The following TRAPPC13 variants were observed in gnomAD, a reference collection of about 807,000 sequenced individuals.
The protein encoded by TRAPPC13 is trafficking protein particle complex subunit 13, also known as REV7-interacting novel NHEJ regulator 1.
In TRAPPC13, 39 loss-of-function variants were observed where a neutral mutation model predicts 54.0. That is an observed-to-expected ratio of 0.72 (90% CI 0.56 to 0.94). The LOEUF (loss-of-function observed/expected upper bound fraction) is 0.94, where lower values mean the gene tolerates loss of function less well. TRAPPC13 is among the 40% of genes least tolerant of loss of function. The pLI, the probability that TRAPPC13 is intolerant of heterozygous loss-of-function variation, is 0.00. For missense variants in TRAPPC13, 386 were observed against 488.1 expected, an observed-to-expected ratio of 0.79 and a Z score of 1.97; for synonymous variants, 148 against 167.7, an observed-to-expected ratio of 0.88 and a Z score of 0.91.
At chr5:65,637,559 A>G (rs1755796263) in intron 3 of TRAPPC13, 137 bp from the exon 4 acceptor site, 3 of 452,116 alleles carry the variant, frequency 6.6e-6, no homozygotes, top group African/African-American at 4.3e-5. Context: ...TGAACATGGG[A>G]GGCGGAGTTT....
At chr5:65,660,507 A>G (rs1423634097) in intron 9 of TRAPPC13, among the ~76,000 whole-genome samples, 192 bp from the exon 10 acceptor site, 9 of 151,938 alleles carry the variant, frequency 5.9e-5, no homozygotes, top group Admixed American at 5.9e-4. Context: ...ATATCAACTG[A>G]AAAAAATGAA....
chr5:65,647,312 G>T (rs1561770989), intron 5 of TRAPPC13, 130 bp downstream of exon 5: 3 of 714,398 alleles, frequency 4.2e-6, no homozygotes, highest in Non-Finnish European at 6.4e-6. Context: ...TTCTATGTTG[G>T]CATGTTTACC....
intron 1 of TRAPPC13, among the ~76,000 whole-genome samples, chr5:65,627,671 T>G (rs1351892558): frequency 6.6e-6 from 1 of 152,018 alleles, no homozygotes; most frequent in East Asian, 1.9e-4. Flanking sequence ...CTGATTGACT[T>G]TAGACAACAA....
intron 1 of TRAPPC13, among the ~76,000 whole-genome samples, chr5:65,627,009 G>A (rs903043538): frequency 5.3e-5 from 8 of 151,404 alleles, no homozygotes; most frequent in Non-Finnish European, 1.0e-4. Context: ...GTGTGGTGGT[G>A]TAATCCCAGC....
At chr5:65,630,087 C>T (rs745945409) in intron 1 of TRAPPC13, 2 of 1,535,916 alleles carry the variant, frequency 1.3e-6, no homozygotes, top group African/African-American at 2.7e-5. Flanking sequence ...CTTTATAGAG[C>T]AAGATGGACA....
chr5:65,642,785 C>T (rs1018049543), intron 4 of TRAPPC13, among the ~76,000 whole-genome samples: 4 of 152,078 alleles, frequency 2.6e-5, no homozygotes, highest in Admixed American at 2.0e-4. Context: ...CTTAGCCTCG[C>T]GAGTTGCTGT....
At chr5:65,659,628 A>G (rs1756775225) in intron 9 of TRAPPC13, among the ~76,000 whole-genome samples, 1 of 152,220 alleles carries the variant, frequency 6.6e-6, no homozygotes, top group Non-Finnish European at 1.5e-5. Context: ...GGAAATACAT[A>G]CACCTTTCCA....
chr5:65,647,001 T>C (rs530926884), intron 4 of TRAPPC13, 54 bp from the exon 5 acceptor site: 55 of 1,489,468 alleles, frequency 3.7e-5, no homozygotes, highest in Non-Finnish European at 4.9e-5. Flanking sequence ...ATGCACACCC[T>C]GTAGGTAACC....
Position 65,655,935 on chromosome 5 carries a change from C to G in TRAPPC13, c.564+282C>G, listed in dbSNP as rs139253107. ...TTTTTTTTTTAAAGAGGTATGTTACCTTGTGTCAAATGGCCTTGTGATTTT... is the reference window on the plus strand; with the variant it reads ...TTTTTTTTTTAAAGAGGTATGTTACGTTGTGTCAAATGGCCTTGTGATTTT... On this transcript the variant is annotated intron_variant, in intron 8 of 12. Coordinates refer to ENST00000399438, the MANE Select transcript of TRAPPC13 (RefSeq NM_024941.4). 3.1e-3 allele frequency among the ~76,000 whole-genome samples: 469 copies of G among 151,816 alleles called. 2 individuals carry two copies. Among genetic ancestry groups the G allele is most frequent in the Middle Eastern group, 6.8e-3 (2 of 294 alleles).
In TRAPPC13 at chr5:65,664,506, C is replaced by A; in HGVS notation, c.1149C>A (p.Ser383Arg). The A allele has an allele frequency of 6.4e-7, 1 of 1,556,754 alleles. No individual in the cohort carries two copies. The highest frequency in any genetic ancestry group is 8.8e-7 in the Non-Finnish European group (1 of 1,136,478). The change falls in exon 13 of 13, where the codon AGC becomes AGA. Residue 383 changes from serine to arginine, a missense_variant and splice_region_variant. Physicochemically the swap from Ser to Arg is moderately radical, Grantham distance 110 (BLOSUM62 -1). Coordinates refer to ENST00000399438, the MANE Select transcript of TRAPPC13 (RefSeq NM_024941.4). ...TLLSSVQGLQSISGLRLTDTF... is the reference protein window; with the variant it reads ...TLLSSVQGLQRISGLRLTDTF... ...CTCATCTCTCTCTCTCTCAATAGAG[C>A]ATCTCTGGCTTAAGACTAACAGACA...
intron 11 of TRAPPC13, chr5:65,663,496 C>T (rs915611854): frequency 3.3e-5 from 5 of 151,820 alleles, no homozygotes; most frequent in African/African-American, 9.7e-5. Flanking sequence ...ATTATAAAGT[C>T]AATATGTCTA....
intron 1 of TRAPPC13, among the ~76,000 whole-genome samples, chr5:65,632,900 C>T (rs1755600695): frequency 6.6e-6 from 1 of 152,234 alleles, no homozygotes; most frequent in Non-Finnish European, 1.5e-5. Flanking sequence ...TATTTAGGGA[C>T]TTTCATGAAG....
intron 9 of TRAPPC13, among the ~76,000 whole-genome samples, chr5:65,660,266 G>A (rs2150692425): frequency 6.6e-6 from 1 of 151,852 alleles, no homozygotes; most frequent in Middle Eastern, 3.4e-3. Context: ...GGTTTCTGTT[G>A]CACTTTTCAG....
intron 4 of TRAPPC13, among the ~76,000 whole-genome samples, chr5:65,643,953 G>T (rs1268038727): frequency 6.6e-6 from 1 of 151,974 alleles, no homozygotes; most frequent in Non-Finnish European, 1.5e-5. Flanking sequence ...AGTTCTTGTG[G>T]GTACAATATT....
intron 6 of TRAPPC13, among the ~76,000 whole-genome samples, chr5:65,651,608 CA>C (rs1208126949): frequency 6.8e-6 from 1 of 146,480 alleles, no homozygotes; most frequent in Non-Finnish European, 1.5e-5. Flanking sequence ...CAGCTTCCAT[CA>C]AAAATAGTTT....
intron 3 of TRAPPC13, 22 bp from the exon 4 acceptor site, chr5:65,637,674 A>G: frequency 1.4e-6 from 2 of 1,383,178 alleles, no homozygotes; most frequent in Non-Finnish European, 2.0e-6. Flanking sequence ...ATTTCTGCCT[A>G]AATACTTATT....
rs71610504 is a variant in TRAPPC13, at chr5:65,645,198, CAAAA to C, written c.301-1844_301-1841del. On this transcript the variant is annotated intron_variant, in intron 4 of 12. Coordinates refer to ENST00000399438, the MANE Select transcript of TRAPPC13 (RefSeq NM_024941.4). ...GGGCAACAAGAGTGAAACTCTGTCTCAAAAAAAAAAAAAAAAGAATTTTGAATCT... is the reference window on the plus strand; with the variant it reads ...GGGCAACAAGAGTGAAACTCTGTCTCAAAAAAAAAAAAGAATTTTGAATCT... Among the ~76,000 whole-genome samples, 8 of 108,806 alleles carry C rather than the reference CAAAA, an allele frequency of 7.4e-5. 1 individual carries two copies. The East Asian group carries it at 2.2e-3, about 29-fold the overall frequency. The allele number at this position is 108,806 out of a possible 152,430, so 71.4% of individuals were successfully genotyped here. A position where few individuals can be genotyped will look rare whatever the true frequency, so the allele number is the denominator to read the frequency against.
chr5:65,642,947 C>T (rs1057266144), intron 4 of TRAPPC13, among the ~76,000 whole-genome samples: 1 of 152,158 alleles, frequency 6.6e-6, no homozygotes, highest in East Asian at 1.9e-4. Flanking sequence ...GCCTACTGTA[C>T]AACAGTAAAG....
Position 65,650,816 on chromosome 5 carries a change from A to G in TRAPPC13, c.435A>G (p.Val145=). The part of the protein sequence containing the change: ...EVKEIGTHIL[V]CAVSYTTQAG... ...AGACATCTTTCTGTTTCAGCTTGGT[A>G]TGTGCTGTGAGTTATACAACTCAGG... The change falls in exon 6 of 13, where the codon GTA becomes GTG. Residue 145 remains valine, a synonymous_variant. Transcript: ENST00000399438. 6.2e-7 allele frequency: 1 copy of G among 1,612,770 alleles called. No individual in the cohort carries two copies. Among genetic ancestry groups the G allele is most frequent in the Non-Finnish European group, 8.5e-7 (1 of 1,179,474 alleles).
Sources: allele counts gnomAD v4.1 joint callset (sites outside exome capture counted in the v4.1 genomes callset), GRCh38; gene constraint gnomAD v4.1.1; transcripts MANE v1.5; gene names NCBI Gene and HGNC (gene_info 2026-07-23, HGNC 2026-07-21).